The following ERAP1 variants were observed in gnomAD, a reference collection of about 807,000 sequenced individuals.
ERAP1 encodes adipocyte-derived leucine aminopeptidase.
Under a neutral mutation model 103.7 loss-of-function variants are expected in ERAP1, and 86 were observed. That is an observed-to-expected ratio of 0.83 (90% CI 0.70 to 0.99). ERAP1 has a LOEUF of 0.99. Among genes scored for constraint, ERAP1 ranks in the 50% least tolerant of loss-of-function variants. The pLI is 0.00. For missense variants in ERAP1, 1,009 were observed against 1,128.4 expected (o/e 0.89, Z 1.52); for synonymous variants, 398 against 402.4 (o/e 0.99, Z 0.13).
chr5:96,819,224 T>G, the ERAP1 span, among the ~76,000 whole-genome samples: 2 of 152,200 alleles, frequency 1.3e-5, no homozygotes, highest in Non-Finnish European at 2.9e-5. Context: ...ACACCCGGCT[T>G]GAACTGCATT....
chr5:96,880,247 G>T, the ERAP1 span: 2 of 1,609,372 alleles, frequency 1.2e-6, no homozygotes, highest in Non-Finnish European at 1.7e-6. Flanking sequence ...CAGAACTCTT[G>T]GTGGTGAAAC....
chr5:96,927,038 A>G, the ERAP1 span, among the ~76,000 whole-genome samples: 1 of 152,124 alleles, frequency 6.6e-6, no homozygotes, highest in Non-Finnish European at 1.5e-5. Context: ...GCTGGTCTTG[A>G]ACTCCTGAAC....
chr5:96,820,687 A>C, the ERAP1 span, among the ~76,000 whole-genome samples: 2 of 152,200 alleles, frequency 1.3e-5, no homozygotes, highest in Non-Finnish European at 2.9e-5. Context: ...AATGCTGATT[A>C]GTTAGTTGCC....
At chr5:96,781,282 GAAAA>G (rs890553333) in intron 16 of ERAP1, 84 bp from the exon 17 acceptor site, 2 of 1,422,200 alleles carry the variant, frequency 1.4e-6, no homozygotes, top group South Asian at 2.5e-5. Flanking sequence ...ACTTGTAAAA[GAAAA>G]AAAAGTCTGC....
chr5:96,920,918 A>G, the ERAP1 span, among the ~76,000 whole-genome samples: 1 of 152,236 alleles, frequency 6.6e-6, no homozygotes, highest in Non-Finnish European at 1.5e-5. Flanking sequence ...TGTGCTGGGT[A>G]GTTTCCTTAA....
At chr5:96,804,093 C>G (rs1282353718) in intron 1 of ERAP1, 150 bp from the exon 2 acceptor site, 6 of 789,048 alleles carry the variant, frequency 7.6e-6, no homozygotes, top group Non-Finnish European at 1.2e-5. Flanking sequence ...AAAGGACCTT[C>G]CCTATGTTAT....
At chr5:96,781,439 G>A (rs1775155877) in intron 16 of ERAP1, among the ~76,000 whole-genome samples, 1 of 152,022 alleles carries the variant, frequency 6.6e-6, no homozygotes, top group Non-Finnish European at 1.5e-5. Context: ...AATAGTTAAG[G>A]AAGAGTAGCT....
intron 18 of ERAP1, among the ~76,000 whole-genome samples, chr5:96,777,621 C>T (rs1774532122): frequency 6.6e-6 from 1 of 152,196 alleles, no homozygotes; most frequent in African/African-American, 2.4e-5. Context: ...TAAGTTGTAG[C>T]TCAACCTACT....
chr5:96,854,875 T>C, the ERAP1 span, among the ~76,000 whole-genome samples: 10 of 152,202 alleles, frequency 6.6e-5, no homozygotes, highest in Non-Finnish European at 1.2e-4. Flanking sequence ...GTAGCCTTTT[T>C]AATCATTAAT....
chr5:96,901,613 A>T, the ERAP1 span: 2 of 1,614,116 alleles, frequency 1.2e-6, no homozygotes, highest in Non-Finnish European at 1.7e-6. Flanking sequence ...GTTCACTCCG[A>T]CTGCAACAGG....
At chr5:96,894,036 C>A in the ERAP1 span, among the ~76,000 whole-genome samples, 1 of 152,202 alleles carries the variant, frequency 6.6e-6, no homozygotes, top group South Asian at 2.1e-4. Context: ...CTGTCCCTGG[C>A]AAAGACATTG....
At position 96,797,378 on chromosome 5, in the gene ERAP1, T is replaced by C. The variant is rs1289247352; in HGVS notation, c.664-69A>G. The C allele has an allele frequency of 2.6e-6, 4 of 1,520,488 alleles. No homozygotes were observed. In the African/African-American group the frequency reaches 5.5e-5, roughly 21 times the overall value. 94.2% of individuals were successfully genotyped at this position (1,520,488 alleles called of 1,614,324 possible). On this transcript the variant is annotated intron_variant, in intron 3 of 18. Transcript: ENST00000443439. Reference sequence around the variant, plus strand: ...AATACAGTGAACATGATAAATTTCCTAATTATCAGACATAATATTAAAAGT... The same window carrying C: ...AATACAGTGAACATGATAAATTTCCCAATTATCAGACATAATATTAAAAGT...
chr5:96,900,391 G>A, the ERAP1 span: 1 of 836,598 alleles, frequency 1.2e-6, no homozygotes, highest in Non-Finnish European at 1.7e-6. Context: ...TATTTTTGTT[G>A]TTATAGTTCG....
Position 96,803,431 on chromosome 5 carries a change from T to C in ERAP1, c.496A>G (p.Thr166Ala). Residue 166 changes from threonine to alanine, a missense_variant, in exon 2 of 19, where the codon ACC becomes GCC. By Grantham distance (58) the Thr-to-Ala change is moderately conservative (BLOSUM62 0). Transcript: ENST00000443439. ...AGTTCCCCTTCCTTGGTTCTGTAGG[T>C]GCTTTTGTAAAATCCGTGGAAAGTC... is the stretch of plus-strand genomic sequence containing the variant. ...SETFHGFYKS[T>A]YRTKEGELRI... is the part of the protein sequence containing the mutation. 4 of 1,613,054 alleles carry C rather than the reference T, an allele frequency of 2.5e-6. No individual in the cohort carries two copies. Among genetic ancestry groups the C allele is most frequent in the Non-Finnish European group, 3.4e-6 (4 of 1,179,754 alleles).
intron 17 of ERAP1, 129 bp from the exon 18 acceptor site, chr5:96,780,633 C>G (rs1165082398): frequency 4.0e-6 from 3 of 748,752 alleles, no homozygotes; most frequent in African/African-American, 1.7e-5. Context: ...AATATGATGT[C>G]TATCCAATGG....
At chr5:96,931,387 G>A in the ERAP1 span, among the ~76,000 whole-genome samples, 1 of 152,086 alleles carries the variant, frequency 6.6e-6, no homozygotes, top group South Asian at 2.1e-4. Context: ...GAACTTCTGG[G>A]CCCAAGCAAT....
chr5:96,782,803 A>G (rs1030971598), intron 15 of ERAP1, among the ~76,000 whole-genome samples: 1 of 152,188 alleles, frequency 6.6e-6, no homozygotes, highest in Non-Finnish European at 1.5e-5. Flanking sequence ...TTGCCTATAC[A>G]AAATGAGAAT....
At chr5:96,896,712 T>A in the ERAP1 span, 3 of 1,554,978 alleles carry the variant, frequency 1.9e-6, no homozygotes, top group Non-Finnish European at 2.6e-6. Context: ...TTTTTTCAAC[T>A]CTTTTGTTTT....
exon 20 of ERAP1, chr5:96,762,620 T>G (rs550048555): frequency 1.2e-5 from 5 of 406,196 alleles, no homozygotes; most frequent in Non-Finnish European, 1.3e-5. Flanking sequence ...TATTGTTGCT[T>G]TATAAGAATT....
Sources: gnomAD v4.1 joint callset for allele counts (sites outside exome capture counted in the v4.1 genomes callset) on GRCh38, gnomAD v4.1.1 for gene constraint, MANE v1.5 for transcripts, NCBI Gene and HGNC (gene_info 2026-07-23, HGNC 2026-07-21) for gene names.